ETFB: variants seen among roughly 807,000 people sequenced by gnomAD.
ETFB encodes the protein beta-ETF.
In ETFB, 20 loss-of-function variants were observed where a neutral mutation model predicts 25.6. The ratio of observed to expected loss-of-function variants is 0.78; its 90% CI spans 0.55 to 1.14. ETFB has a LOEUF of 1.14. Ranked by LOEUF, ETFB falls within the 50% of genes most tolerant of loss-of-function variation. The probability of loss-of-function intolerance (pLI) is 0.00; values close to 1 mark genes in which losing one functional copy is unlikely to be tolerated. For synonymous variants in ETFB, 142 were observed against 146.7 expected (o/e 0.97, Z 0.23); for missense variants, 286 against 342.6 (o/e 0.83, Z 1.30).
intron 3 of ETFB, among the ~76,000 whole-genome samples, 158 bp from the exon 4 acceptor site, chr19:51,350,549 A>G (rs1178249809): frequency 1.3e-5 from 2 of 151,982 alleles, no homozygotes; most frequent in South Asian, 2.1e-4. Flanking sequence ...CAATGGTACA[A>G]TCTTGGCTCA....
intron 1 of ETFB, among the ~76,000 whole-genome samples, chr19:51,363,852 C>T (rs189680912): frequency 3.3e-3 from 499 of 152,216 alleles, no homozygotes; most frequent in Non-Finnish European, 5.1e-3. Flanking sequence ...ATGGAACGGG[C>T]AAGCCGCGGC....
At chr19:51,350,859 G>A (rs955765838) in intron 3 of ETFB, among the ~76,000 whole-genome samples, 2 of 152,156 alleles carry the variant, frequency 1.3e-5, no homozygotes, top group Admixed American at 6.5e-5. Context: ...GTGACTCAGC[G>A]CTGCTGTTGT....
rs1599837393 is a variant in ETFB, at chr19:51,345,286, G to A, written c.693C>T (p.Pro231=). 6.2e-7 allele frequency: 1 copy of A among 1,614,114 alleles called. No homozygotes were observed. Among genetic ancestry groups the A allele is most frequent in the Non-Finnish European group, 8.5e-7 (1 of 1,180,016 alleles). Residue 231 remains proline, a synonymous_variant, in exon 6 of 6, where the codon CCC becomes CCT. Transcript: ENST00000309244. Reference sequence around the variant, plus strand: ...CCACCTTGACGCCGGCCGTGCGCTGGGGCGGGTCCTCCACACTGATCACAG... The same window carrying A: ...CCACCTTGACGCCGGCCGTGCGCTGAGGCGGGTCCTCCACACTGATCACAG... ...KLSVISVEDP[P]QRTAGVKVET... is the part of the protein sequence containing the mutation.
chr19:51,366,071 G>A (rs191773379), intron 1 of ETFB, among the ~76,000 whole-genome samples, 199 bp downstream of exon 1: 257 of 152,348 alleles, frequency 1.7e-3, no homozygotes, highest in African/African-American at 5.7e-3. Flanking sequence ...CGAGGGAAAA[G>A]AGAACATGGC....
chr19:51,348,114 A>C (rs1399288653), intron 4 of ETFB: 2 of 152,160 alleles, frequency 1.3e-5, no homozygotes, highest in Non-Finnish European at 2.9e-5. Flanking sequence ...ATTTTATTTA[A>C]ATTTAAATAC....
chr19:51,355,988 T>C (rs532154885), intron 1 of ETFB: 1 of 151,392 alleles, frequency 6.6e-6, no homozygotes, highest in East Asian at 2.0e-4. Context: ...ATATACCTAA[T>C]GCTAAAGGAC....
chr19:51,356,956 G>T (rs1986093678), intron 1 of ETFB: 1 of 151,932 alleles, frequency 6.6e-6, no homozygotes, highest in African/African-American at 2.4e-5. Flanking sequence ...GTCTCCCTCT[G>T]TCTCTCTCTT....
In ETFB at chr19:51,354,188, C is replaced by A. The variant is rs1193726585; in HGVS notation, c.178G>T (p.Glu60Ter). The A allele has an allele frequency of 1.2e-6, 2 of 1,614,062 alleles. No individual in the cohort carries two copies. The highest frequency in any genetic ancestry group is 2.7e-5 in the African/African-American group (2 of 74,908). ...VRLKEKKLVK[E>*]VIAVSCGPAQ... is the part of the protein sequence containing the mutation. ...GGCCCACAGCTGACGGCGATGACCTCCTTCACCAGCTTCTTCTCCTTGAGC... is the reference window on the plus strand; with the variant it reads ...GGCCCACAGCTGACGGCGATGACCTACTTCACCAGCTTCTTCTCCTTGAGC... The change falls in exon 2 of 6, where the codon GAG (glutamate) becomes TAG (stop). Residue 60 changes from glutamate to a stop codon, truncating the protein, a stop_gained. Coordinates refer to ENST00000309244, the MANE Select transcript of ETFB (RefSeq NM_001985.3). LOFTEE classifies it high-confidence loss of function.
At chr19:51,352,085 G>A (rs946682150) in intron 3 of ETFB, among the ~76,000 whole-genome samples, 3 of 151,948 alleles carry the variant, frequency 2.0e-5, no homozygotes, top group Non-Finnish European at 1.5e-5. Context: ...GGGAACAGAT[G>A]AGCTCCATGT....
chr19:51,347,204 C>T (rs892233190), intron 4 of ETFB, 146 bp from the exon 5 acceptor site: 15 of 776,648 alleles, frequency 1.9e-5, no homozygotes, highest in Middle Eastern at 2.5e-4. Flanking sequence ...GGTTTAGAAT[C>T]GAGCTTGTAC....
chr19:51,361,127 C>T (rs956410866), intron 1 of ETFB, among the ~76,000 whole-genome samples: 3 of 151,864 alleles, frequency 2.0e-5, no homozygotes, highest in Admixed American at 2.0e-4. Flanking sequence ...GATGGGGTTT[C>T]GTCATGTTGG....
chr19:51,354,991 C>G (rs183388788), intron 1 of ETFB: 5 of 303,032 alleles, frequency 1.6e-5, no homozygotes, highest in Non-Finnish European at 3.2e-5. Flanking sequence ...TTTGTGCTTG[C>G]CTAAAGACGT....
intron 1 of ETFB, chr19:51,354,835 TG>T (rs2123592789): frequency 1.7e-6 from 1 of 601,970 alleles, no homozygotes; most frequent in East Asian, 2.9e-5. Flanking sequence ...AGAAGCCTTT[TG>T]TTCTTTGCGT....
intron 1 of ETFB, among the ~76,000 whole-genome samples, chr19:51,358,464 G>C (rs1986135759): frequency 6.6e-6 from 1 of 151,856 alleles, no homozygotes; most frequent in African/African-American, 2.4e-5. Context: ...CCCAGGAGTT[G>C]GATACTAGCC....
intron 4 of ETFB, among the ~76,000 whole-genome samples, chr19:51,348,959 T>C (rs1744286103): frequency 6.6e-6 from 1 of 152,194 alleles, no homozygotes; most frequent in Non-Finnish European, 1.5e-5. Flanking sequence ...CCCTGACTTA[T>C]GATGGTTTGA....
intron 1 of ETFB, among the ~76,000 whole-genome samples, chr19:51,362,654 G>C (rs1262314835): frequency 6.6e-6 from 1 of 152,188 alleles, no homozygotes; most frequent in African/African-American, 2.4e-5. Context: ...ACTCAATAAA[G>C]TAGATAGTAC....
intron 3 of ETFB, among the ~76,000 whole-genome samples, chr19:51,352,279 A>G (rs1985949415): frequency 6.6e-6 from 1 of 151,960 alleles, no homozygotes; most frequent in African/African-American, 2.4e-5. Flanking sequence ...TAGAACTCCC[A>G]TAGCTCCCCA....
chr19:51,347,526 G>A, intron 4 of ETFB: 1 of 197,578 alleles, frequency 5.1e-6, no homozygotes, highest in Non-Finnish European at 1.1e-5. Flanking sequence ...CCCCCGTGAG[G>A]CCCCTCCGCT....
At chr19:51,364,734 C>T (rs1986310257) in intron 1 of ETFB, among the ~76,000 whole-genome samples, 1 of 152,228 alleles carries the variant, frequency 6.6e-6, no homozygotes, top group Admixed American at 6.5e-5. Flanking sequence ...ACATCCCTGT[C>T]ATGTGCTGCC....
Sources: gnomAD v4.1 joint callset for allele counts (sites outside exome capture counted in the v4.1 genomes callset) on GRCh38, gnomAD v4.1.1 for gene constraint, MANE v1.5 for transcripts, NCBI Gene and HGNC (gene_info 2026-07-23, HGNC 2026-07-21) for gene names.